Variants in ATP10D observed in about 807,000 individuals in gnomAD.
ATP10D encodes phospholipid-transporting ATPase VD.
A neutral mutation model predicts 144.8 loss-of-function variants in ATP10D; 89 were observed. The observed-to-expected ratio is 0.61, with a 90% confidence interval of 0.52 to 0.73. The LOEUF (loss-of-function observed/expected upper bound fraction) is 0.73. Ranked by LOEUF, ATP10D falls within the 30% of genes least tolerant of loss-of-function variation. The pLI, the probability that ATP10D is intolerant of heterozygous loss-of-function variation, is 0.00. For synonymous variants in ATP10D, 571 were observed against 615.1 expected (o/e 0.93, Z 1.06); for missense variants, 1,603 against 1,714.8 (o/e 0.93, Z 1.15).
At position 47,582,070 on chromosome 4, in the gene ATP10D, T is replaced by C. The variant is rs764903982; in HGVS notation, c.3753+6T>C. ...TCATTGAAAGCAAGAGTTTGGTGAG[T>C]GGTTTTCTTGCCTCTGAAGTAGCCT... On this transcript the variant is annotated splice_donor_region_variant and intron_variant, in intron 21 of 22. Transcript: ENST00000273859. The C allele has an allele frequency of 1.9e-6, 3 of 1,605,742 alleles. No homozygotes were observed. The highest frequency in any genetic ancestry group is 2.2e-5 in the South Asian group (2 of 90,920).
chr4:47,550,496 C>T (rs1014871807), intron 10 of ATP10D, among the ~76,000 whole-genome samples: 8 of 151,766 alleles, frequency 5.3e-5, no homozygotes, highest in Admixed American at 1.3e-4. Context: ...TTGGGGGGGG[C>T]GGTCCTTGCT....
Position 47,535,526 on chromosome 4 carries a change from A to T in ATP10D, c.794A>T (p.Glu265Val), listed in dbSNP as rs1717796752. The change falls in exon 6 of 23, where the codon GAA (glutamate) becomes GTA (valine). Residue 265 changes from glutamate (E) to valine (V), a missense_variant. By Grantham distance (121) the Glu-to-Val change is moderately radical. Transcript: ENST00000273859. ...TCTTATAGAGAACATTCCAACAAAGAACGCGTGGGTCTCAGTAAAGAAAAT... is the reference window on the plus strand; with the variant it reads ...TCTTATAGAGAACATTCCAACAAAGTACGCGTGGGTCTCAGTAAAGAAAAT... Reference protein sequence around the residue: ...FRGFLEHSNKERVGLSKENLL... With the variant: ...FRGFLEHSNKVRVGLSKENLL... The T allele has an allele frequency of 6.2e-7, 1 of 1,611,482 alleles. No homozygotes were observed. The highest frequency in any genetic ancestry group is 2.2e-5 in the East Asian group (1 of 44,830).
At chr4:47,515,790 C>A in intron 3 of ATP10D, 120 bp downstream of exon 3, 1 of 758,488 alleles carries the variant, frequency 1.3e-6, no homozygotes, top group Non-Finnish European at 2.0e-6. Context: ...GGTGTTGTTG[C>A]TATTGTTTTC....
At chr4:47,578,934 T>C (rs914245351) in intron 19 of ATP10D, among the ~76,000 whole-genome samples, 2 of 152,224 alleles carry the variant, frequency 1.3e-5, no homozygotes, top group African/African-American at 4.8e-5. Flanking sequence ...TTATAAAGAT[T>C]TGTTCTTTAA....
At chr4:47,503,728 C>A (rs1715847041) in intron 1 of ATP10D, among the ~76,000 whole-genome samples, 1 of 151,898 alleles carries the variant, frequency 6.6e-6, no homozygotes, top group Non-Finnish European at 1.5e-5. Context: ...AAGACCCTGT[C>A]TCTACAAAAG....
intron 5 of ATP10D, among the ~76,000 whole-genome samples, chr4:47,528,497 GTGTGTGTGTGTGTGTGTATA>G (rs879271383): frequency 0.17 from 14,638 of 88,076 alleles, 862 homozygotes; most frequent in South Asian, 0.25. Context: ...GTGTGTGTGT[GTGTGTGTGTGTGTGTGTATA>G]TATATATATA....
rs1721115264 is a variant in ATP10D, at chr4:47,593,099, A to C, written c.*1718A>C. On this transcript the variant is annotated 3_prime_UTR_variant, in exon 23 of 23. Coordinates refer to ENST00000273859, the MANE Select transcript of ATP10D (RefSeq NM_020453.4). ...TCTCCTGATAAACAATAATTTAGAG[A>C]TATGTTCACTTGTAAATAAAAAGGT... 6.6e-6 allele frequency: 1 copy of C among 152,088 alleles called. No homozygotes were observed. The highest frequency in any genetic ancestry group is 1.5e-5 in the Non-Finnish European group (1 of 67,974). The allele number at this position is 152,088 out of a possible 1,614,324, so 9.4% of individuals were successfully genotyped here. A position where few individuals can be genotyped will look rare whatever the true frequency, so the allele number is the denominator to read the frequency against.
chr4:47,491,447 C>T (rs1577601847), intron 1 of ATP10D: 2 of 706,412 alleles, frequency 2.8e-6, no homozygotes, highest in Admixed American at 1.8e-5. Flanking sequence ...TCCTCTTTCC[C>T]TTTGTGTTTG....
chr4:47,555,113 G>T (rs1006880491), intron 11 of ATP10D, among the ~76,000 whole-genome samples, 199 bp downstream of exon 11: 7 of 152,236 alleles, frequency 4.6e-5, no homozygotes, highest in Non-Finnish European at 4.4e-5. Context: ...TTGCAGACCG[G>T]TAACAGTCTG....
At chr4:47,536,126 A>G in intron 7 of ATP10D, 93 bp downstream of exon 7, 6 of 1,450,350 alleles carry the variant, frequency 4.1e-6, no homozygotes, top group Non-Finnish European at 5.6e-6. Flanking sequence ...TGACTTTGGT[A>G]AGGTGGATTT....
Position 47,536,005 on chromosome 4 carries a change from G to A in ATP10D, c.987G>A (p.Leu329=). Residue 329 remains leucine (L), a synonymous_variant, in exon 7 of 23, where the codon CTG becomes CTA. Transcript: ENST00000273859. The stretch of plus-strand genomic sequence containing the variant: ...ATGTCCTCTGGTGTGTCATGCTTCT[G>A]GTCATAATGTGCTTAACTGGCGCAG... ...NTDVLWCVML[L]VIMCLTGAVG... The A allele has an allele frequency of 6.2e-7, 1 of 1,612,596 alleles. No homozygotes were observed. The highest frequency in any genetic ancestry group is 1.1e-5 in the South Asian group (1 of 90,904).
At chr4:47,525,773 TA>T in intron 5 of ATP10D, 131 bp downstream of exon 5, 1 of 676,296 alleles carries the variant, frequency 1.5e-6, no homozygotes, top group South Asian at 2.0e-5. Context: ...AGCCACCTAC[TA>T]AAATAGTTTG....
intron 3 of ATP10D, among the ~76,000 whole-genome samples, chr4:47,519,739 G>A (rs565917544): frequency 6.6e-6 from 1 of 152,212 alleles, no homozygotes; most frequent in Admixed American, 6.5e-5. Context: ...CTTCCTCCAA[G>A]GCCCAGTGCC....
intron 3 of ATP10D, among the ~76,000 whole-genome samples, chr4:47,516,213 C>T (rs1343370109): frequency 6.6e-6 from 1 of 150,596 alleles, no homozygotes; most frequent in Non-Finnish European, 1.5e-5. Context: ...CACTGCATTC[C>T]ATCCTGGGCG....
chr4:47,521,322 C>A (rs530557344), intron 3 of ATP10D, among the ~76,000 whole-genome samples: 1 of 152,338 alleles, frequency 6.6e-6, no homozygotes, highest in Admixed American at 6.5e-5. Flanking sequence ...TGTGACAGCA[C>A]CATCCATCAC....
intron 9 of ATP10D, among the ~76,000 whole-genome samples, chr4:47,540,306 G>A (rs1718069448): frequency 1.3e-5 from 2 of 152,136 alleles, no homozygotes; most frequent in Admixed American, 1.3e-4. Flanking sequence ...ACATGGAATT[G>A]CACTAAACAC....
intron 1 of ATP10D, among the ~76,000 whole-genome samples, chr4:47,497,792 T>A (rs1715468297): frequency 6.6e-6 from 1 of 152,252 alleles, no homozygotes; most frequent in African/African-American, 2.4e-5. Context: ...TGCCACTAAC[T>A]TGCTGTGTAA....
chr4:47,555,729 A>C (rs1163077817), intron 11 of ATP10D, among the ~76,000 whole-genome samples: 1 of 152,098 alleles, frequency 6.6e-6, no homozygotes, highest in African/African-American at 2.4e-5. Flanking sequence ...ATTGGATTCA[A>C]TATCATGTTT....
At chr4:47,582,180 G>C (rs1720553420) in intron 21 of ATP10D, 116 bp downstream of exon 21, 2 of 826,650 alleles carry the variant, frequency 2.4e-6, no homozygotes, top group African/African-American at 3.4e-5. Flanking sequence ...GAATCTATGG[G>C]AGAAGGGTGA....
Sources: gnomAD v4.1 joint callset for allele counts (sites outside exome capture counted in the v4.1 genomes callset) on GRCh38, gnomAD v4.1.1 for gene constraint, MANE v1.5 for transcripts, NCBI Gene and HGNC (gene_info 2026-07-23, HGNC 2026-07-21) for gene names.